Variants in CCDC167 observed in about 807,000 individuals in gnomAD.
The protein encoded by CCDC167 is coiled-coil domain-containing protein 167.
Under a neutral mutation model 12.7 loss-of-function variants are expected in CCDC167, and 15 were observed. That is an observed-to-expected ratio of 1.18 (90% CI 0.79 to 1.81). The LOEUF is 1.81. Ranked by LOEUF, CCDC167 falls within the 40% of genes most tolerant of loss-of-function variation. The pLI, the probability that CCDC167 is intolerant of heterozygous loss-of-function variation, is 0.00. For synonymous variants in CCDC167, 52 were observed against 49.0 expected (o/e 1.06, Z -0.26); for missense variants, 121 against 120.1 (o/e 1.01, Z -0.03).
At chr6:37,496,468 C>CT (rs1373428950) in intron 1 of CCDC167, among the ~76,000 whole-genome samples, 2 of 152,038 alleles carry the variant, frequency 1.3e-5, no homozygotes, top group African/African-American at 2.4e-5. Flanking sequence ...ACTTAAAAGT[C>CT]TGTCAGCCAA....
At chr6:37,496,619 A>G (rs953127598) in intron 1 of CCDC167, among the ~76,000 whole-genome samples, 3 of 152,188 alleles carry the variant, frequency 2.0e-5, no homozygotes. Context: ...AGGATGCAAA[A>G]GAAATACAAA....
chr6:37,496,607 G>A (rs1182947452), intron 1 of CCDC167, among the ~76,000 whole-genome samples: 1 of 152,188 alleles, frequency 6.6e-6, no homozygotes, highest in African/African-American at 2.4e-5. Context: ...AGCCATGGTG[G>A]AAGGATGCAA....
chr6:37,484,440 C>T (rs1761913987), intron 3 of CCDC167, among the ~76,000 whole-genome samples: 2 of 150,336 alleles, frequency 1.3e-5, no homozygotes, highest in Non-Finnish European at 1.5e-5. Flanking sequence ...TCCTTCACCC[C>T]TCACTTCCCA....
chr6:37,498,515 T>TAA (rs34494456), intron 1 of CCDC167, among the ~76,000 whole-genome samples: 2,602 of 145,750 alleles, frequency 0.018, 68 homozygotes, highest in African/African-American at 0.06. Flanking sequence ...GTGTGGCTTG[T>TAA]AAAAAAAAAA....
chr6:37,493,609 G>A (rs1314832303), intron 1 of CCDC167, among the ~76,000 whole-genome samples: 1 of 152,230 alleles, frequency 6.6e-6, no homozygotes, highest in Non-Finnish European at 1.5e-5. Context: ...CTCATTTAAT[G>A]GTCAGCGGCC....
chr6:37,490,798 T>A (rs913115569), intron 1 of CCDC167, among the ~76,000 whole-genome samples: 1 of 152,100 alleles, frequency 6.6e-6, no homozygotes, highest in African/African-American at 2.4e-5. Context: ...AGAAAGGGCT[T>A]CTTCATGCCC....
intron 1 of CCDC167, among the ~76,000 whole-genome samples, chr6:37,493,662 C>A (rs1011885480): frequency 1.3e-5 from 2 of 152,260 alleles, no homozygotes. Context: ...CTCCCAGCCC[C>A]TGGCTTGGGG....
intron 1 of CCDC167, among the ~76,000 whole-genome samples, chr6:37,494,115 G>C (rs962949605): frequency 1.6e-4 from 21 of 132,970 alleles, no homozygotes; most frequent in African/African-American, 5.4e-4. Context: ...GCCCAGGCTA[G>C]AGTGCGATGG....
intron 1 of CCDC167, among the ~76,000 whole-genome samples, chr6:37,498,787 T>C (rs1055679471): frequency 2.0e-5 from 3 of 151,730 alleles, no homozygotes; most frequent in African/African-American, 7.3e-5. Flanking sequence ...ATCACGCCAC[T>C]GCACTTCAGC....
Position 37,483,246 on chromosome 6 carries a change from CATGTT to C in CCDC167, c.229_233del (p.Asn77AlafsTer59). 1 of 1,614,160 alleles carries C rather than the reference CATGTT, an allele frequency of 6.2e-7. No individual in the cohort carries two copies. The highest frequency in any genetic ancestry group is 8.5e-7 in the Non-Finnish European group (1 of 1,180,002). ...GGATAAAGATGGCCACAGAGAGCAG[CATGTT>C]CTTCCGGTTCTCTTGCCGAAGAAAC... is the stretch of plus-strand genomic sequence containing the variant. On this transcript the variant is annotated frameshift_variant, in exon 4 of 4. Coordinates refer to ENST00000373408, the MANE Select transcript of CCDC167 (RefSeq NM_138493.3). LOFTEE classifies it high-confidence loss of function.
chr6:37,495,616 G>A (rs1762088337), intron 1 of CCDC167, among the ~76,000 whole-genome samples: 1 of 152,178 alleles, frequency 6.6e-6, no homozygotes, highest in Admixed American at 6.5e-5. Flanking sequence ...GACCTCAAAA[G>A]GAACCACTTT....
intron 1 of CCDC167, among the ~76,000 whole-genome samples, chr6:37,488,701 C>T (rs1761976676): frequency 6.6e-6 from 1 of 152,202 alleles, no homozygotes; most frequent in Admixed American, 6.5e-5. Context: ...TATGACTGGG[C>T]AACTCCCTTA....
In CCDC167 at chr6:37,488,020, C is replaced by T. The variant is rs1186048349; in HGVS notation, c.43-2826G>A. Reference sequence around the variant, plus strand: ...TTATAACCCAGCTGCTTGATGTGGGCTGAGTGAGGGGAGGCTAAGACTGTC... The same window carrying T: ...TTATAACCCAGCTGCTTGATGTGGGTTGAGTGAGGGGAGGCTAAGACTGTC... On this transcript the variant is annotated intron_variant, in intron 1 of 3. Coordinates refer to ENST00000373408, the MANE Select transcript of CCDC167 (RefSeq NM_138493.3). Among the ~76,000 whole-genome samples, 6 of 152,210 alleles carry T rather than the reference C, an allele frequency of 3.9e-5. No homozygotes were observed. The East Asian group carries it at 7.7e-4, about 20-fold the overall frequency.
intron 3 of CCDC167, among the ~76,000 whole-genome samples, chr6:37,483,922 G>A (rs995820468): frequency 2.0e-5 from 3 of 152,196 alleles, no homozygotes; most frequent in Admixed American, 2.0e-4. Flanking sequence ...GCAGGTAGGG[G>A]GTACTCTGTG....
intron 1 of CCDC167, among the ~76,000 whole-genome samples, chr6:37,491,133 T>C (rs1183675119): frequency 5.9e-5 from 9 of 152,208 alleles, no homozygotes; most frequent in African/African-American, 2.2e-4. Context: ...TGCCAGCTCA[T>C]GCACAGATAA....
chr6:37,497,735 G>A (rs1407058249), intron 1 of CCDC167, among the ~76,000 whole-genome samples: 2 of 152,000 alleles, frequency 1.3e-5, no homozygotes, highest in Non-Finnish European at 2.9e-5. Flanking sequence ...GTCTAATCCT[G>A]GCTACTAGAG....
intron 3 of CCDC167, 120 bp from the exon 4 acceptor site, chr6:37,483,409 C>A (rs536187712): frequency 2.5e-5 from 17 of 671,862 alleles, no homozygotes; most frequent in Admixed American, 2.4e-4. Flanking sequence ...CCAGCCACCT[C>A]CTTACCCATA....
chr6:37,490,853 A>T (rs984906094), intron 1 of CCDC167, among the ~76,000 whole-genome samples: 9 of 152,128 alleles, frequency 5.9e-5, no homozygotes, highest in Non-Finnish European at 8.8e-5. Context: ...CTGAGAGCCC[A>T]TCAGACAGAT....
At position 37,490,764 on chromosome 6, in the gene CCDC167, A is replaced by G. The variant is rs138568659; in HGVS notation, c.43-5570T>C. Among the ~76,000 whole-genome samples, 410 of 152,224 alleles carry G rather than the reference A, an allele frequency of 2.7e-3. 2 individuals are homozygous for G. Among genetic ancestry groups the G allele is most frequent in the African/African-American group, 9.1e-3 (379 of 41,532 alleles). On this transcript the variant is annotated intron_variant, in intron 1 of 3. Coordinates refer to ENST00000373408, the MANE Select transcript of CCDC167 (RefSeq NM_138493.3). ...AGGCCCTAGCCAAGTAGGGCCGTCA[A>G]TCCTGCTGGCAGGTGCCAAGAGCAG... is the stretch of plus-strand genomic sequence containing the variant.
Sources: gnomAD v4.1 joint callset for allele counts (sites outside exome capture counted in the v4.1 genomes callset) on GRCh38, gnomAD v4.1.1 for gene constraint, MANE v1.5 for transcripts, NCBI Gene and HGNC (gene_info 2026-07-23, HGNC 2026-07-21) for gene names.